Variants in PARD3B observed in about 807,000 individuals in gnomAD.
PARD3B encodes the protein partitioning defective 3 homolog B.
A neutral mutation model predicts 130.2 loss-of-function variants in PARD3B; 103 were observed. That is an observed-to-expected ratio of 0.79 (90% CI 0.67 to 0.93). The LOEUF is 0.93. Among genes scored for constraint, PARD3B ranks in the 40% least tolerant of loss-of-function variants. The probability of loss-of-function intolerance (pLI) is 0.00; values close to 1 mark genes in which losing one functional copy is unlikely to be tolerated. For synonymous variants in PARD3B, 583 were observed against 553.2 expected, an observed-to-expected ratio of 1.05 and a Z score of -0.76; for missense variants, 1,609 against 1,499.2, an observed-to-expected ratio of 1.07 and a Z score of -1.21.
intron 1 of PARD3B, among the ~76,000 whole-genome samples, chr2:204,643,136 A>AAAAAAAAAAAAAAAGTT (rs1559202402): frequency 6.9e-6 from 1 of 145,200 alleles, no homozygotes; most frequent in African/African-American, 2.5e-5. Flanking sequence ...AAAAAAAAAA[A>AAAAAAAAAAAAAAAGTT]TGTTTGGCAC....
chr2:205,278,499 T>G (rs555827373), intron 16 of PARD3B, among the ~76,000 whole-genome samples: 28 of 152,262 alleles, frequency 1.8e-4, no homozygotes, highest in Non-Finnish European at 4.0e-4. Context: ...GGAATTTTTT[T>G]CAAAGGTCTG....
In PARD3B at chr2:205,274,503, T is replaced by G. The variant is rs1443049929; in HGVS notation, c.2186-26027T>G. Among the ~76,000 whole-genome samples, 2 of 149,356 alleles carry G rather than the reference T, an allele frequency of 1.3e-5. No homozygotes were observed. Among genetic ancestry groups the G allele is most frequent in the Non-Finnish European group, 1.5e-5 (1 of 67,498 alleles). On this transcript the variant is annotated intron_variant, in intron 16 of 22. Coordinates refer to ENST00000406610, the MANE Select transcript of PARD3B (RefSeq NM_001302769.2). This position sits in a 1 kb window ranked among gnomAD's most constrained non-coding sequence, Gnocchi z 4.2. ...AATATTTATTATTAAACATTAATTA[T>G]TAAATATGAATAGTATTAAATGTGT...
intron 18 of PARD3B, among the ~76,000 whole-genome samples, chr2:205,357,236 T>C (rs963030878): frequency 5.3e-5 from 8 of 152,222 alleles, no homozygotes; most frequent in African/African-American, 1.2e-4. Context: ...CCTTAAATAG[T>C]TCCCTAGGAG....
chr2:204,852,469 C>A (rs1242047677), intron 2 of PARD3B, among the ~76,000 whole-genome samples: 1 of 152,052 alleles, frequency 6.6e-6, no homozygotes, highest in Non-Finnish European at 1.5e-5. Flanking sequence ...AAAAAGAGAG[C>A]TGTCCTATTT....
rs1575028331 is a variant in PARD3B at position 205,440,449 on chromosome 2, G to A, written c.2821G>A (p.Val941Met). 9.9e-6 allele frequency: 16 copies of A among 1,614,114 alleles called. No homozygotes were observed. The East Asian group carries it at 3.3e-4, about 34-fold the overall frequency. Residue 941 changes from valine (V) to methionine (M), a missense_variant, in exon 20 of 23, where the codon GTG (valine) becomes ATG (methionine). Transcript: ENST00000406610. The surrounding 1 kb of genome is among the most constrained non-coding windows in gnomAD (Gnocchi z 4.2). ...TTATGCTACTGGTGCAATTGGATCA[G>A]TGTATGATATGGATGATGATGAAAT... Reference protein sequence around the residue: ...LDYATGAIGSVYDMDDDEMDP... With the variant: ...LDYATGAIGSMYDMDDDEMDP...
intron 2 of PARD3B, among the ~76,000 whole-genome samples, chr2:204,775,206 A>G (rs1239881030): frequency 6.6e-6 from 1 of 152,168 alleles, no homozygotes; most frequent in Non-Finnish European, 1.5e-5. Flanking sequence ...GTCGTATAAT[A>G]CGTGAGCAAT....
chr2:205,194,962 T>G (rs78205654), intron 15 of PARD3B, among the ~76,000 whole-genome samples: 8,782 of 144,926 alleles, frequency 0.061, 377 homozygotes, highest in East Asian at 0.19. Context: ...TTTTTTTTTT[T>G]TTTTTTTTGT....
At chr2:204,922,863 GTTT>G (rs2047736417) in intron 2 of PARD3B, among the ~76,000 whole-genome samples, 1 of 151,952 alleles carries the variant, frequency 6.6e-6, no homozygotes, top group East Asian at 1.9e-4. Context: ...ATCTTGTTTG[GTTT>G]TTATTTGGGT....
At chr2:204,756,138 A>C (rs1238490645) in intron 2 of PARD3B, among the ~76,000 whole-genome samples, 4 of 152,142 alleles carry the variant, frequency 2.6e-5, no homozygotes, top group African/African-American at 9.7e-5. Flanking sequence ...TGTTCTGGGC[A>C]AAGAAATACA....
rs547999089 is a variant in PARD3B, at chr2:205,183,907, A to C, written c.1925-1857A>C. 1.3e-5 allele frequency among the ~76,000 whole-genome samples: 2 copies of C among 152,262 alleles called. No individual in the cohort carries two copies. The highest frequency in any genetic ancestry group is 2.9e-5 in the Non-Finnish European group (2 of 68,020). On this transcript the variant is annotated intron_variant, in intron 13 of 22. Coordinates refer to ENST00000406610, the MANE Select transcript of PARD3B (RefSeq NM_001302769.2). The surrounding 1 kb of genome is among the most constrained non-coding windows in gnomAD (Gnocchi z 5.2). ...GATTGAGTCTGAAGGCCGGAGAACC[A>C]GAAAAGCTGGTGGCGTGGTTTCAGT...
At chr2:205,220,962 C>T (rs2038207079) in intron 15 of PARD3B, among the ~76,000 whole-genome samples, 1 of 152,140 alleles carries the variant, frequency 6.6e-6, no homozygotes, top group Non-Finnish European at 1.5e-5. Flanking sequence ...TCAGCCCAGG[C>T]AGGGCTTGGA....
Position 205,113,566 on chromosome 2 carries a change from T to C in PARD3B, c.669T>C (p.Ser223=). The C allele has an allele frequency of 6.2e-7, 1 of 1,611,416 alleles. No individual in the cohort carries two copies. The highest frequency in any genetic ancestry group is 1.1e-5 in the South Asian group (1 of 90,876). Residue 223 remains serine, a synonymous_variant, in exon 6 of 23, where the codon TCT becomes TCC. Transcript: ENST00000406610. ...LGIHVVPFFS[S]LSGRILGLFI... ...TACATGTAGTGCCCTTCTTTTCATC[T>C]CTGAGTGGAAGGTAAGATGTTTTTC...
chr2:205,425,067 G>A (rs1222152177), intron 19 of PARD3B, among the ~76,000 whole-genome samples: 1 of 152,184 alleles, frequency 6.6e-6, no homozygotes, highest in Non-Finnish European at 1.5e-5. Context: ...TCTTTCTTCA[G>A]TGTTAGTTTG....
intron 22 of PARD3B, among the ~76,000 whole-genome samples, chr2:205,603,510 C>A (rs572156109): frequency 3.0e-4 from 46 of 152,206 alleles, no homozygotes; most frequent in African/African-American, 1.1e-3. Flanking sequence ...TCTCTAAGAA[C>A]CTGTTTTATG....
Position 205,341,750 on chromosome 2 carries a change from G to A in PARD3B, c.2630+40049G>A, listed in dbSNP as rs116633697. 2.9e-3 allele frequency among the ~76,000 whole-genome samples: 447 copies of A among 152,168 alleles called. 4 individuals are homozygous for A. Among genetic ancestry groups the A allele is most frequent in the Middle Eastern group, 6.8e-3 (2 of 294 alleles). On this transcript the variant is annotated intron_variant, in intron 18 of 22. Transcript: ENST00000406610. This position sits in a 1 kb window ranked among gnomAD's most constrained non-coding sequence, Gnocchi z 4.3. ...TTGAATGTTCCCAACACGAAGAAAT[G>A]ATGCATGTTTGAAATGATGGATATG... is the stretch of plus-strand genomic sequence containing the variant.
At chr2:204,690,341 A>G (rs1386785596) in intron 2 of PARD3B, among the ~76,000 whole-genome samples, 1 of 152,148 alleles carries the variant, frequency 6.6e-6, no homozygotes, top group Non-Finnish European at 1.5e-5. Flanking sequence ...CCTAATCTCT[A>G]CAACCTGTGA....
intron 1 of PARD3B, among the ~76,000 whole-genome samples, chr2:204,657,196 T>C (rs890270637): frequency 1.3e-5 from 2 of 152,226 alleles, no homozygotes; most frequent in Non-Finnish European, 2.9e-5. Flanking sequence ...CTGTGTTCTT[T>C]ATCATCTCAC....
intron 4 of PARD3B, among the ~76,000 whole-genome samples, chr2:205,093,136 C>T (rs918520973): frequency 6.6e-6 from 1 of 152,006 alleles, no homozygotes; most frequent in Non-Finnish European, 1.5e-5. Flanking sequence ...TCTTTGAATC[C>T]CCCCAGAGTC....
chr2:205,549,733 C>G (rs1452443895), intron 21 of PARD3B, among the ~76,000 whole-genome samples: 1 of 152,080 alleles, frequency 6.6e-6, no homozygotes, highest in Admixed American at 6.6e-5. Flanking sequence ...TTGTCCAAAC[C>G]CATAGAATGA....
Sources: allele counts gnomAD v4.1 joint callset (sites outside exome capture counted in the v4.1 genomes callset), GRCh38; gene constraint gnomAD v4.1.1; non-coding constraint Gnocchi (gnomAD v3.1); transcripts MANE v1.5; gene names NCBI Gene and HGNC (gene_info 2026-07-23, HGNC 2026-07-21).